Variants in WDR62 observed in about 807,000 individuals in gnomAD.
The protein encoded by WDR62 is WD repeat-containing protein 62.
Under a neutral mutation model 160.6 loss-of-function variants are expected in WDR62, and 112 were observed. That is an observed-to-expected ratio of 0.70 (90% CI 0.60 to 0.82). The LOEUF (loss-of-function observed/expected upper bound fraction) is 0.82. WDR62 is among the 40% of genes least tolerant of loss of function. WDR62 has a pLI of 0.00. For missense variants in WDR62, 1,819 were observed against 1,983.8 expected, an observed-to-expected ratio of 0.92 and a Z score of 1.58; for synonymous variants, 792 against 815.1, an observed-to-expected ratio of 0.97 and a Z score of 0.48.
chr19:36,085,095 A>G (rs1972132645), intron 12 of WDR62, among the ~76,000 whole-genome samples: 2 of 152,122 alleles, frequency 1.3e-5, no homozygotes, highest in South Asian at 2.1e-4. Flanking sequence ...ATTATAATGA[A>G]CACCCCATAG....
At chr19:36,071,464 C>T (rs1971293291) in intron 7 of WDR62, 92 bp from the exon 8 acceptor site, 4 of 1,479,444 alleles carry the variant, frequency 2.7e-6, no homozygotes, top group Non-Finnish European at 3.8e-6. Context: ...TAAGTCTTCT[C>T]TGGAGGCCTA....
intron 7 of WDR62, chr19:36,070,444 A>G (rs530974815): frequency 2.0e-5 from 3 of 152,226 alleles, no homozygotes; most frequent in East Asian, 3.9e-4. Flanking sequence ...AAACTTTTAA[A>G]CTAAAGCATG....
rs1599773561 is a variant in WDR62, at chr19:36,073,206, T to C, written c.1044-136T>C. On this transcript the variant is annotated intron_variant, in intron 8 of 31. Coordinates refer to ENST00000401500, the MANE Select transcript of WDR62 (RefSeq NM_001083961.2). ...GAAGAGGGAAGAGGGAAAAGTAGAA[T>C]TGGAGCAGGAGAGATGGATGGCCAC... The C allele has an allele frequency of 1.3e-5, 11 of 855,564 alleles. No homozygotes were observed. The East Asian group carries it at 2.6e-4, about 20-fold the overall frequency. The allele number at this position is 855,564 out of a possible 1,614,324, so 53.0% of individuals were successfully genotyped here. A position where few individuals can be genotyped will look rare whatever the true frequency, so the allele number is the denominator to read the frequency against.
At chr19:36,091,752 G>A (rs371491720) in intron 18 of WDR62, among the ~76,000 whole-genome samples, 1 of 151,830 alleles carries the variant, frequency 6.6e-6, no homozygotes, top group Non-Finnish European at 1.5e-5. Context: ...AGCCGGGTGT[G>A]GTCATGTACA....
the WDR62 span, among the ~76,000 whole-genome samples, chr19:36,110,542 C>CT: frequency 3.0e-4 from 45 of 152,284 alleles, no homozygotes; most frequent in African/African-American, 1.1e-3. Flanking sequence ...AGTGTTGTCC[C>CT]AGGCAGTAAC....
At chr19:36,073,257 G>T (rs142963594) in intron 8 of WDR62, 85 bp from the exon 9 acceptor site, 1 of 1,310,286 alleles carries the variant, frequency 7.6e-7, no homozygotes, top group Non-Finnish European at 1.1e-6. Flanking sequence ...TGGCATTGCC[G>T]GGGAGGCATC....
chr19:36,102,955 C>G lies in WDR62; in HGVS notation c.3343C>G (p.His1115Asp). 1.2e-6 allele frequency: 2 copies of G among 1,614,180 alleles called. No homozygotes were observed. Among genetic ancestry groups the G allele is most frequent in the Non-Finnish European group, 1.7e-6 (2 of 1,180,044 alleles). Residue 1115 changes from histidine (H) to aspartate (D), a missense_variant, in exon 28 of 32, where the codon CAT (histidine) becomes GAT (aspartate). Coordinates refer to ENST00000401500, the MANE Select transcript of WDR62 (RefSeq NM_001083961.2). ...SSLQKASRFTHTFPPRATQCL... is the reference protein window; with the variant it reads ...SSLQKASRFTDTFPPRATQCL... ...CTGCTCTCCTCCCCACAGGTTCACC[C>G]ATACCTTCCCTCCCCGGGCAACCCA...
At chr19:36,057,877 T>C (rs1174734846) in intron 1 of WDR62, among the ~76,000 whole-genome samples, 1 of 152,248 alleles carries the variant, frequency 6.6e-6, no homozygotes, top group East Asian at 1.9e-4. Context: ...TGGTCACTAC[T>C]GTGTCTCTCC....
chr19:36,068,341 AG>A (rs1222359924), intron 7 of WDR62, among the ~76,000 whole-genome samples: 1 of 152,112 alleles, frequency 6.6e-6, no homozygotes, highest in Non-Finnish European at 1.5e-5. Context: ...TGGCTGGTAG[AG>A]GATTGCATTT....
rs749487142 is a variant in WDR62 at position 36,104,941 on chromosome 19, C to T, written c.4485C>T (p.Pro1495=). The change falls in exon 32 of 32, where the codon CCC becomes CCT. Residue 1495 remains proline, a synonymous_variant. Coordinates refer to ENST00000401500, the MANE Select transcript of WDR62 (RefSeq NM_001083961.2). Reference sequence around the variant, plus strand: ...CCCCGTCCCCACCGACGCTGTACCCCCTGGCCAGCCCAGACCTGCAGGCCC... The same window carrying T: ...CCCCGTCCCCACCGACGCTGTACCCTCTGGCCAGCCCAGACCTGCAGGCCC... The part of the protein sequence containing the change: ...PGPPSPPTLY[P]LASPDLQALL... The T allele has an allele frequency of 1.2e-6, 2 of 1,607,906 alleles. No homozygotes were observed. Among genetic ancestry groups the T allele is most frequent in the East Asian group, 2.2e-5 (1 of 44,736 alleles).
At chr19:36,095,119 G>C (rs978378504) in intron 20 of WDR62, among the ~76,000 whole-genome samples, 2 of 152,140 alleles carry the variant, frequency 1.3e-5, no homozygotes, top group African/African-American at 2.4e-5. Context: ...AGGATTTTTT[G>C]GTGCCTGAAA....
At chr19:36,096,941 T>G in intron 20 of WDR62, 86 bp from the exon 21 acceptor site, 1 of 1,262,428 alleles carries the variant, frequency 7.9e-7, no homozygotes, top group Admixed American at 2.0e-5. Flanking sequence ...GGTTGTGGTG[T>G]TGCCTCTTTG....
the WDR62 span, among the ~76,000 whole-genome samples, chr19:36,110,630 T>C: frequency 6.6e-6 from 1 of 152,150 alleles, no homozygotes; most frequent in Non-Finnish European, 1.5e-5. Flanking sequence ...ATGTTAGCCC[T>C]GGGAATCTGA....
At chr19:36,060,292 T>TGGAGGAAATGATGGA in intron 3 of WDR62, 1 of 526,878 alleles carries the variant, frequency 1.9e-6, no homozygotes, top group South Asian at 2.2e-5. Flanking sequence ...ATCAGTGCTA[T>TGGAGGAAATGATGGA]GGAGGAAATG....
intron 8 of WDR62, 121 bp from the exon 9 acceptor site, chr19:36,073,221 T>C (rs903180664): frequency 1.3e-5 from 12 of 934,302 alleles, no homozygotes; most frequent in African/African-American, 9.7e-5. Flanking sequence ...GCAGGAGAGA[T>C]GGATGGCCAC....
downstream of WDR62, among the ~76,000 whole-genome samples, chr19:36,107,569 A>T (rs947763836): frequency 6.6e-6 from 1 of 151,758 alleles, no homozygotes. Flanking sequence ...AGCAGAAAAG[A>T]TGCAGATCTC....
At chr19:36,108,279 A>G (rs1485975567), downstream of WDR62, among the ~76,000 whole-genome samples, 1 of 152,078 alleles carries the variant, frequency 6.6e-6, no homozygotes, top group East Asian at 1.9e-4. Context: ...TAGGCCATGG[A>G]GCAGGGCAGA....
At chr19:36,071,202 CAAAA>C in intron 7 of WDR62, 16 of 230,214 alleles carry the variant, frequency 7.0e-5, no homozygotes, top group South Asian at 1.5e-4. Context: ...AACTCTATCT[CAAAA>C]AAAAAAAAAA....
intron 3 of WDR62, among the ~76,000 whole-genome samples, chr19:36,065,427 C>T (rs529876467): frequency 2.6e-5 from 4 of 152,344 alleles, no homozygotes; most frequent in East Asian, 1.9e-4. Context: ...CAGAAACCTA[C>T]GAGCTAGCCT....
Sources: gnomAD v4.1 joint callset for allele counts (sites outside exome capture counted in the v4.1 genomes callset) on GRCh38, gnomAD v4.1.1 for gene constraint, MANE v1.5 for transcripts, NCBI Gene and HGNC (gene_info 2026-07-23, HGNC 2026-07-21) for gene names.